The following PCSK5 variants were observed in gnomAD, a reference collection of about 807,000 sequenced individuals.
PCSK5 encodes proprotein convertase subtilisin/kexin type 5.
A neutral mutation model predicts 233.2 loss-of-function variants in PCSK5; 129 were observed. The observed-to-expected ratio is 0.55, with a 90% CI of 0.48 to 0.64. The LOEUF is 0.64. Among genes scored for constraint, PCSK5 ranks in the 30% least tolerant of loss-of-function variants. The probability of loss-of-function intolerance (pLI) is 0.00; values close to 1 mark genes in which losing one functional copy is unlikely to be tolerated. For missense variants in PCSK5, 2,076 were observed against 2,430.1 expected (o/e 0.85, Z 3.06); for synonymous variants, 825 against 879.2 (o/e 0.94, Z 1.09).
chr9:76,239,275 G>A, intron 23 of PCSK5, 110 bp downstream of exon 23: 1 of 871,504 alleles, frequency 1.1e-6, no homozygotes. Flanking sequence ...TCAGCACTTG[G>A]GATGATTTTG....
intron 2 of PCSK5, among the ~76,000 whole-genome samples, chr9:75,960,513 A>T (rs1326076045): frequency 6.6e-6 from 1 of 152,214 alleles, no homozygotes; most frequent in African/African-American, 2.4e-5. Context: ...AGGGAATGTG[A>T]TCATGTGAAA....
rs186080388 is a variant in PCSK5, at chr9:75,984,751, T to C, written c.298-1381T>C. 1.1e-4 allele frequency among the ~76,000 whole-genome samples: 17 copies of C among 152,334 alleles called. No individual in the cohort carries two copies. The East Asian group carries it at 1.7e-3, about 16-fold the overall frequency. On this transcript the variant is annotated intron_variant, in intron 2 of 37. Coordinates refer to ENST00000674117, the MANE Select transcript of PCSK5 (RefSeq NM_001372043.1). ...ACTCATCTTTGTATTTCTAACACAG[T>C]ACCTAGCACTTGTTTGTTGAATGAA...
At chr9:76,062,543 G>A (rs1370617603) in intron 5 of PCSK5, among the ~76,000 whole-genome samples, 1 of 152,178 alleles carries the variant, frequency 6.6e-6, no homozygotes, top group Non-Finnish European at 1.5e-5. Context: ...ATATGCAGGG[G>A]TGTGTGTACA....
At chr9:76,342,676 A>G (rs1389067536) in intron 35 of PCSK5, among the ~76,000 whole-genome samples, 3 of 152,152 alleles carry the variant, frequency 2.0e-5, no homozygotes, top group Non-Finnish European at 4.4e-5. Context: ...CTTTTCCCAA[A>G]TGGTTTTCCT....
chr9:76,086,500 G>A (rs941082189), intron 7 of PCSK5, among the ~76,000 whole-genome samples: 1 of 152,124 alleles, frequency 6.6e-6, no homozygotes, highest in African/African-American at 2.4e-5. Context: ...GATGAGGTCT[G>A]AGAAAAAACA....
intron 2 of PCSK5, among the ~76,000 whole-genome samples, chr9:75,943,590 A>G (rs1398022008): frequency 1.3e-5 from 2 of 152,160 alleles, no homozygotes; most frequent in African/African-American, 2.4e-5. Context: ...AGTTCTTACA[A>G]TACAAAAGGA....
chr9:75,944,727 A>G (rs1395128970), intron 2 of PCSK5, among the ~76,000 whole-genome samples: 1 of 152,122 alleles, frequency 6.6e-6, no homozygotes, highest in Admixed American at 6.6e-5. Context: ...AATCACCATT[A>G]TGCTGGTGTT....
At chr9:76,033,422 A>T (rs1828727786) in intron 5 of PCSK5, among the ~76,000 whole-genome samples, 1 of 152,156 alleles carries the variant, frequency 6.6e-6, no homozygotes, top group East Asian at 1.9e-4. Context: ...ATTTTCAAAT[A>T]TTTTCAAATT....
In PCSK5 at chr9:76,175,105, G is replaced by A. The variant is rs1385366075; in HGVS notation, c.1876G>A (p.Asp626Asn). The A allele has an allele frequency of 3.1e-6, 5 of 1,614,032 alleles. No individual in the cohort carries two copies. The highest frequency in any genetic ancestry group is 1.7e-5 in the Admixed American group (1 of 59,994). ...RYSRVEDPTD[D>N]YGTEDYAGPC... ...TAGCCGAGTTGAAGACCCCACAGACGACTATGGCACAGAGGATTATGCAGG... is the reference window on the plus strand; with the variant it reads ...TAGCCGAGTTGAAGACCCCACAGACAACTATGGCACAGAGGATTATGCAGG... The change falls in exon 14 of 38, where the codon GAC (aspartate) becomes AAC (asparagine). Residue 626 changes from aspartate (D) to asparagine (N), a missense_variant. Asp to Asn is a conservative substitution (Grantham distance 23). Around this residue, in one of 6 missense-constraint regions of PCSK5, gnomAD observed 84 missense variants for 108.8 expected, o/e 0.77. Coordinates refer to ENST00000674117, the MANE Select transcript of PCSK5 (RefSeq NM_001372043.1).
chr9:76,354,117 G>C lies in PCSK5; in HGVS notation c.5152G>C (p.Ala1718Pro). The C allele has an allele frequency of 6.2e-7, 1 of 1,604,194 alleles. No homozygotes were observed. Among genetic ancestry groups the C allele is most frequent in the Non-Finnish European group, 8.5e-7 (1 of 1,176,138 alleles). Residue 1718 changes from alanine to proline, a missense_variant, in exon 37 of 38, where the codon GCC becomes CCC. Around this residue, in one of 6 missense-constraint regions of PCSK5, gnomAD observed 1,510 missense variants for 1,538.1 expected, o/e 0.98. Coordinates refer to ENST00000674117, the MANE Select transcript of PCSK5 (RefSeq NM_001372043.1). The stretch of plus-strand genomic sequence containing the variant: ...GGCCAAGAACTGCACCTTGTGCCCT[G>C]CCAACCTGGTGCTGCACATGGACGA... ...PGAKNCTLCPANLVLHMDDSH... is the reference protein window; with the variant it reads ...PGAKNCTLCPPNLVLHMDDSH...
chr9:75,932,524 T>C, intron 2 of PCSK5, 41 bp downstream of exon 2: 3 of 1,172,124 alleles, frequency 2.6e-6, no homozygotes, highest in Non-Finnish European at 3.9e-6. Flanking sequence ...AGGCAAAGCT[T>C]CTGCATTTTT....
At chr9:76,312,635 A>G (rs146195078) in intron 30 of PCSK5, among the ~76,000 whole-genome samples, 168 of 152,316 alleles carry the variant, frequency 1.1e-3, no homozygotes, top group African/African-American at 3.8e-3. Flanking sequence ...GAGTATAAAT[A>G]TAAGGTATTT....
intron 7 of PCSK5, among the ~76,000 whole-genome samples, chr9:76,081,844 T>A (rs555661371): frequency 2.6e-5 from 4 of 152,266 alleles, no homozygotes; most frequent in South Asian, 2.1e-4. Flanking sequence ...TAGTAAGTCT[T>A]GCATGTACTG....
At chr9:76,241,700 G>A (rs981729087) in intron 24 of PCSK5, among the ~76,000 whole-genome samples, 2 of 152,120 alleles carry the variant, frequency 1.3e-5, no homozygotes, top group African/African-American at 4.8e-5. Flanking sequence ...AAAATAGGGA[G>A]GTTACTGAAT....
intron 6 of PCSK5, among the ~76,000 whole-genome samples, chr9:76,070,381 G>A (rs1016723549): frequency 1.3e-5 from 2 of 152,122 alleles, no homozygotes; most frequent in Non-Finnish European, 2.9e-5. Flanking sequence ...AAATTCAAGA[G>A]TCTAGAAGAA....
chr9:75,928,789 T>C (rs953120917), intron 1 of PCSK5, among the ~76,000 whole-genome samples: 1 of 150,568 alleles, frequency 6.6e-6, no homozygotes, highest in Admixed American at 6.6e-5. Flanking sequence ...CTTGGAAGAG[T>C]TGGTACTGCA....
chr9:76,162,447 G>A (rs1486640711), intron 12 of PCSK5, among the ~76,000 whole-genome samples: 1 of 152,060 alleles, frequency 6.6e-6, no homozygotes, highest in Non-Finnish European at 1.5e-5. Flanking sequence ...TGGGAACAAG[G>A]GCACAGAAAG....
intron 9 of PCSK5, among the ~76,000 whole-genome samples, chr9:76,124,390 AG>A (rs762495613): frequency 1.8e-4 from 28 of 152,150 alleles, no homozygotes; most frequent in Non-Finnish European, 3.8e-4. Flanking sequence ...TTCTGAAGCC[AG>A]GTTTGTTTCC....
chr9:75,972,725 T>G (rs1825858922), intron 2 of PCSK5, among the ~76,000 whole-genome samples: 1 of 152,206 alleles, frequency 6.6e-6, no homozygotes, highest in African/African-American at 2.4e-5. Flanking sequence ...CACATTGATT[T>G]TGTATCTTGA....
Sources: gnomAD v4.1 joint callset for allele counts (sites outside exome capture counted in the v4.1 genomes callset) on GRCh38, gnomAD v4.1.1 for gene constraint, gnomAD v4.1.1 regional missense constraint, MANE v1.5 for transcripts, NCBI Gene and HGNC (gene_info 2026-07-23, HGNC 2026-07-21) for gene names.